The following USP53 variants were observed in gnomAD, a reference collection of about 807,000 sequenced individuals.
The protein encoded by USP53 is ubiquitin carboxyl-terminal hydrolase 53.
USP53 carries 71 observed loss-of-function variants against 94.9 expected under a neutral mutation model. The observed-to-expected ratio is 0.75, with a 90% CI of 0.62 to 0.91. USP53 has a LOEUF of 0.91. Ranked by LOEUF, USP53 falls within the 40% of genes least tolerant of loss-of-function variation. The probability of loss-of-function intolerance (pLI) is 0.00; values close to 1 mark genes in which losing one functional copy is unlikely to be tolerated. For synonymous variants in USP53, 375 were observed against 422.7 expected (o/e 0.89, Z 1.39); for missense variants, 1,173 against 1,281.0 (o/e 0.92, Z 1.29).
intron 17 of USP53, among the ~76,000 whole-genome samples, chr4:119,278,196 C>G (rs199816242): frequency 6.9e-6 from 1 of 144,936 alleles, no homozygotes; most frequent in African/African-American, 2.5e-5. Context: ...TTCCTAGTCT[C>G]GATGGTCTTT....
intron 17 of USP53, among the ~76,000 whole-genome samples, chr4:119,286,508 C>T (rs1290139604): frequency 6.6e-6 from 1 of 151,912 alleles, no homozygotes; most frequent in Non-Finnish European, 1.5e-5. Context: ...AGTTGGAATT[C>T]TGAAGTCAAA....
At chr4:119,268,160 C>G in intron 13 of USP53, 108 bp from the exon 14 acceptor site, 1 of 1,094,126 alleles carries the variant, frequency 9.1e-7, no homozygotes, top group East Asian at 3.2e-5. Flanking sequence ...GGCGACAGAG[C>G]GAGACTCCGT....
Position 119,291,144 on chromosome 4 carries a change from CCCCA to C in USP53, c.2252-17_2252-14del. 1 of 681,978 alleles carries C rather than the reference CCCCA, an allele frequency of 1.5e-6. No individual in the cohort carries two copies. Among genetic ancestry groups the C allele is most frequent in the Non-Finnish European group, 2.4e-6 (1 of 409,800 alleles). The allele number at this position is 681,978 out of a possible 1,614,324, so 42.2% of individuals were successfully genotyped here. A position where few individuals can be genotyped will look rare whatever the true frequency, so the allele number is the denominator to read the frequency against. Reference sequence around the variant, plus strand: ...TAATTTTGTTTTCCTCATCTCTTCTCCCCACCCCACCCAACCCTAGGCTTTAGAA... The same window carrying C: ...TAATTTTGTTTTCCTCATCTCTTCTCCCCCACCCAACCCTAGGCTTTAGAA... On this transcript the variant is annotated splice_polypyrimidine_tract_variant and intron_variant, in intron 17 of 18. Transcript: ENST00000692078.
At chr4:119,212,704 C>T (rs899908910), upstream of USP53, 2 of 342,410 alleles carry the variant, frequency 5.8e-6, no homozygotes, top group South Asian at 2.2e-5. Context: ...GACCAGCCGC[C>T]TGTGCTCCAG....
At chr4:119,247,365 C>A (rs1578467047) in intron 6 of USP53, among the ~76,000 whole-genome samples, 1 of 152,166 alleles carries the variant, frequency 6.6e-6, no homozygotes, top group East Asian at 1.9e-4. Flanking sequence ...GAATGCTTTT[C>A]TTCCAGATGT....
At chr4:119,265,690 A>G (rs956830723) in intron 12 of USP53, among the ~76,000 whole-genome samples, 1 of 151,836 alleles carries the variant, frequency 6.6e-6, no homozygotes, top group Non-Finnish European at 1.5e-5. Flanking sequence ...AACAACAACA[A>G]CAACAACAAA....
intron 17 of USP53, 22 bp from the exon 18 acceptor site, chr4:119,291,143 T>TGCCCCCC: frequency 1.3e-6 from 1 of 747,564 alleles, no homozygotes; most frequent in Non-Finnish European, 2.1e-6. Context: ...TCATCTCTTC[T>TGCCCCCC]CCCCACCCCA....
intron 3 of USP53, chr4:119,219,801 T>C (rs1334265908): frequency 6.6e-6 from 1 of 152,186 alleles, no homozygotes; most frequent in Admixed American, 6.5e-5. Flanking sequence ...GATAGTCTTG[T>C]CTAGGGTAAT....
At chr4:119,227,152 A>G (rs1745361240) in intron 3 of USP53, among the ~76,000 whole-genome samples, 1 of 152,078 alleles carries the variant, frequency 6.6e-6, no homozygotes, top group Admixed American at 6.6e-5. Flanking sequence ...AATTTTTGAC[A>G]AAGTATTCCA....
chr4:119,217,447 G>GT (rs1743956537), intron 2 of USP53, 103 bp from the exon 3 acceptor site: 1 of 152,022 alleles, frequency 6.6e-6, no homozygotes, highest in Non-Finnish European at 1.5e-5. Context: ...TAGGAACACT[G>GT]TTTTTTCCAA....
intron 6 of USP53, among the ~76,000 whole-genome samples, chr4:119,247,489 A>G (rs1217404432): frequency 1.3e-5 from 2 of 152,118 alleles, no homozygotes; most frequent in Non-Finnish European, 2.9e-5. Context: ...CATCTGTAAT[A>G]TCCCTGGCAT....
chr4:119,224,322 G>A (rs1424070453), intron 3 of USP53, among the ~76,000 whole-genome samples: 1 of 152,106 alleles, frequency 6.6e-6, no homozygotes. Context: ...CAGAACCGAT[G>A]TATAAATGCT....
At chr4:119,229,356 A>T (rs1247856090) in intron 3 of USP53, among the ~76,000 whole-genome samples, 1 of 152,000 alleles carries the variant, frequency 6.6e-6, no homozygotes, top group African/African-American at 2.4e-5. Context: ...TCTTATGTTT[A>T]TATGTTCATG....
Position 119,271,384 on chromosome 4 carries a change from T to C in USP53, c.1524T>C (p.Tyr508=). 1 of 1,613,622 alleles carries C rather than the reference T, an allele frequency of 6.2e-7. No individual in the cohort carries two copies. Among genetic ancestry groups the C allele is most frequent in the Non-Finnish European group, 8.5e-7 (1 of 1,179,924 alleles). ...AACAACATGGGAATCCACATCTATA[T>C]CATAGTCAAGGAAAAGGATCATATA... ...GFKQHGNPHL[Y]HSQGKGSYKH... Residue 508 remains tyrosine (Y), a synonymous_variant, in exon 16 of 19, where the codon TAT becomes TAC. Coordinates refer to ENST00000692078, the MANE Select transcript of USP53 (RefSeq NM_001371395.1).
At chr4:119,250,858 C>G (rs1460118268) in intron 7 of USP53, among the ~76,000 whole-genome samples, 1 of 150,346 alleles carries the variant, frequency 6.7e-6, no homozygotes, top group Non-Finnish European at 1.5e-5. Flanking sequence ...GATATAGAGC[C>G]TTTGTTTTGC....
chr4:119,231,540 A>G (rs1746078133), intron 3 of USP53, among the ~76,000 whole-genome samples: 1 of 152,154 alleles, frequency 6.6e-6, no homozygotes, highest in Non-Finnish European at 1.5e-5. Flanking sequence ...AGCAGCTTTC[A>G]AGTACTGTAC....
chr4:119,240,705 CAAAT>C (rs759034624), intron 5 of USP53, among the ~76,000 whole-genome samples: 11 of 152,058 alleles, frequency 7.2e-5, no homozygotes, highest in Non-Finnish European at 1.5e-4. Flanking sequence ...GCTCATCTGA[CAAAT>C]AAACACATGT....
rs746380966 is a variant in USP53, at chr4:119,267,400, A to G, written c.1053A>G (p.Pro351=). 2.5e-6 allele frequency: 4 copies of G among 1,614,154 alleles called. No individual in the cohort carries two copies. In the South Asian group the frequency reaches 3.3e-5, roughly 13 times the overall value. ...FQPLLLFYAN[P]DGTAVSTEDA... ...CACTACTTTTGTTTTATGCAAACCC[A>G]GATGGCACAGCAGTTTCTACTGAGG... The change falls in exon 13 of 19, where the codon CCA becomes CCG. Residue 351 remains proline, a synonymous_variant. Coordinates refer to ENST00000692078, the MANE Select transcript of USP53 (RefSeq NM_001371395.1).
chr4:119,237,407 T>C (rs1391219201), intron 4 of USP53, among the ~76,000 whole-genome samples: 2 of 152,212 alleles, frequency 1.3e-5, no homozygotes, highest in African/African-American at 4.8e-5. Context: ...CGTCACGCAA[T>C]GCATGTTCGT....
Sources: allele counts gnomAD v4.1 joint callset (sites outside exome capture counted in the v4.1 genomes callset), GRCh38; gene constraint gnomAD v4.1.1; transcripts MANE v1.5; gene names NCBI Gene and HGNC (gene_info 2026-07-23, HGNC 2026-07-21).